The following PPP2R3A variants were observed in gnomAD, a reference collection of about 807,000 sequenced individuals.
PPP2R3A encodes the protein serine/threonine-protein phosphatase 2A regulatory subunit B'' subunit alpha.
PPP2R3A carries 80 observed loss-of-function variants against 106.9 expected under a neutral mutation model. The observed-to-expected ratio is 0.75, with a 90% CI of 0.62 to 0.90. The LOEUF is 0.90. Ranked by LOEUF, PPP2R3A falls within the 40% of genes least tolerant of loss-of-function variation. The probability of loss-of-function intolerance (pLI) is 0.00; values close to 1 mark genes in which losing one functional copy is unlikely to be tolerated. For synonymous variants in PPP2R3A, 483 were observed against 468.3 expected (o/e 1.03, Z -0.41); for missense variants, 1,386 against 1,350.4 (o/e 1.03, Z -0.41).
intron 5 of PPP2R3A, among the ~76,000 whole-genome samples, chr3:136,060,776 GA>G (rs2107887056): frequency 6.6e-6 from 1 of 152,160 alleles, no homozygotes; most frequent in South Asian, 2.1e-4. Context: ...TCAATCAAAG[GA>G]TACAAAATTT....
At chr3:136,011,128 G>A (rs1432449369) in intron 2 of PPP2R3A, among the ~76,000 whole-genome samples, 5 of 151,798 alleles carry the variant, frequency 3.3e-5, no homozygotes, top group Non-Finnish European at 5.9e-5. Flanking sequence ...CACCACATCC[G>A]TCTTTGTAAA....
At chr3:136,138,877 A>G (rs1938738824) in intron 13 of PPP2R3A, among the ~76,000 whole-genome samples, 1 of 151,434 alleles carries the variant, frequency 6.6e-6, no homozygotes, top group Non-Finnish European at 1.5e-5. Context: ...ACGCCCAGCT[A>G]ATTTTGTATT....
At chr3:136,047,139 G>A (rs1029395994) in intron 4 of PPP2R3A, among the ~76,000 whole-genome samples, 5 of 152,158 alleles carry the variant, frequency 3.3e-5, no homozygotes, top group Admixed American at 6.5e-5. Flanking sequence ...GAGAAGGAGC[G>A]AGAGTACGCA....
At chr3:136,041,801 G>A (rs955483192) in intron 4 of PPP2R3A, among the ~76,000 whole-genome samples, 1 of 152,142 alleles carries the variant, frequency 6.6e-6, no homozygotes, top group Non-Finnish European at 1.5e-5. Flanking sequence ...GCTTTTCCTG[G>A]ATTCTAACAT....
At chr3:135,995,868 C>T (rs1576419827) in intron 1 of PPP2R3A, among the ~76,000 whole-genome samples, 1 of 152,144 alleles carries the variant, frequency 6.6e-6, no homozygotes, top group Non-Finnish European at 1.5e-5. Context: ...TTCATCTATT[C>T]GGATTCAGAC....
chr3:136,060,173 C>T (rs1936027313), intron 5 of PPP2R3A, among the ~76,000 whole-genome samples: 1 of 152,088 alleles, frequency 6.6e-6, no homozygotes, highest in Non-Finnish European at 1.5e-5. Flanking sequence ...CAATGAAATA[C>T]CAGTCAGCTT....
At position 136,001,659 on chromosome 3, in the gene PPP2R3A, A is replaced by T; in HGVS notation, c.161A>T (p.Asp54Val). ...CIVVHHSVCA[D>V]LLHIPVSQFK... Reference sequence around the variant, plus strand: ...GTGGTACACCATAGTGTTTGTGCAGACCTCTTGCACATCCCTGTGTCTCAG... The same window carrying T: ...GTGGTACACCATAGTGTTTGTGCAGTCCTCTTGCACATCCCTGTGTCTCAG... The change falls in exon 2 of 14, where the codon GAC becomes GTC. Residue 54 changes from aspartate to valine, a missense_variant. Transcript: ENST00000264977. The T allele has an allele frequency of 6.2e-7, 1 of 1,614,118 alleles. No individual in the cohort carries two copies. Among genetic ancestry groups the T allele is most frequent in the Non-Finnish European group, 8.5e-7 (1 of 1,180,008 alleles).
intron 5 of PPP2R3A, among the ~76,000 whole-genome samples, chr3:136,053,089 T>C (rs531172799): frequency 2.6e-5 from 4 of 152,222 alleles, no homozygotes; most frequent in East Asian, 1.9e-4. Context: ...TGAGAACTTA[T>C]GAAAACAAAC....
At chr3:136,144,089 T>C (rs144272142) in intron 13 of PPP2R3A, among the ~76,000 whole-genome samples, 169 of 152,316 alleles carry the variant, frequency 1.1e-3, no homozygotes, top group African/African-American at 4.0e-3. Flanking sequence ...AGCCACATCA[T>C]TTCCAAGAGA....
intron 5 of PPP2R3A, among the ~76,000 whole-genome samples, chr3:136,062,425 A>G (rs984369331): frequency 1.2e-4 from 18 of 152,134 alleles, no homozygotes; most frequent in Non-Finnish European, 2.5e-4. Flanking sequence ...CAATACAGTT[A>G]CATTTGAGAA....
In PPP2R3A at chr3:136,040,723, A is replaced by G. The variant is rs1053303746; in HGVS notation, c.2263-136A>G. On this transcript the variant is annotated intron_variant, in intron 3 of 13. Transcript: ENST00000264977. ...TCTACCCTAGTTGATATATTTTCCT[A>G]TGCTCCAGTTTTGTTCTCCTGAGGG... The G allele has an allele frequency of 2.2e-5, 12 of 535,212 alleles. 1 individual carries two copies. Among genetic ancestry groups the G allele is most frequent in the East Asian group, 9.9e-5 (3 of 30,196 alleles). 33.2% of individuals were successfully genotyped at this position (535,212 alleles called of 1,614,324 possible).
chr3:135,994,227 A>G (rs1043217185), intron 1 of PPP2R3A, among the ~76,000 whole-genome samples: 1 of 152,178 alleles, frequency 6.6e-6, no homozygotes, highest in Non-Finnish European at 1.5e-5. Context: ...AAGATTCTTT[A>G]ATCCACAGTG....
intron 5 of PPP2R3A, chr3:136,055,255 A>G (rs1391292394): frequency 2.3e-5 from 19 of 831,830 alleles, no homozygotes; most frequent in Non-Finnish European, 3.1e-5. Flanking sequence ...GTAAAAAGAA[A>G]CATGAAGTAC....
At chr3:136,079,815 A>G (rs1188251068) in intron 7 of PPP2R3A, among the ~76,000 whole-genome samples, 1 of 151,900 alleles carries the variant, frequency 6.6e-6, no homozygotes, top group African/African-American at 2.4e-5. Context: ...ATAAGATCAC[A>G]CAAAAGTAAG....
intron 1 of PPP2R3A, among the ~76,000 whole-genome samples, chr3:135,981,783 A>G (rs1937542020): frequency 6.6e-6 from 1 of 151,822 alleles, no homozygotes; most frequent in Non-Finnish European, 1.5e-5. Flanking sequence ...AGAAGGGGCC[A>G]GGGTCGAGGG....
chr3:136,136,074 T>TATATATATATATATATATA lies in PPP2R3A; in HGVS notation c.3330-8969_3330-8968insATATATATATATATATATA, dbSNP rs1491542071. Among the ~76,000 whole-genome samples the TATATATATATATATATATA allele has an allele frequency of 8.6e-4, 26 of 30,352 alleles. 1 individual carries two copies. The highest frequency in any genetic ancestry group is 1.4e-3 in the Non-Finnish European group (17 of 11,992). The allele number at this position is 30,352 out of a possible 152,430, so 19.9% of individuals were successfully genotyped here. On this transcript the variant is annotated intron_variant, in intron 13 of 13. Transcript: ENST00000264977. ...AAAAAAAAAAAAAAAAAAAAAAAAATTATATATATATATATATATAAAAAA... is the reference window on the plus strand; with the variant it reads ...AAAAAAAAAAAAAAAAAAAAAAAAATATATATATATATATATATATATATATATATATATATATAAAAAA...
chr3:135,977,846 TGAGCCAC>T (rs2107754835), intron 1 of PPP2R3A, among the ~76,000 whole-genome samples: 1 of 152,032 alleles, frequency 6.6e-6, no homozygotes, highest in Non-Finnish European at 1.5e-5. Flanking sequence ...ACTATAGGTG[TGAGCCAC>T]CACTGCCCGG....
In PPP2R3A at chr3:136,003,393, C is replaced by G; in HGVS notation, c.1895C>G (p.Ser632Cys). The G allele has an allele frequency of 6.2e-7, 1 of 1,613,982 alleles. No homozygotes were observed. Among genetic ancestry groups the G allele is most frequent in the Admixed American group, 1.7e-5 (1 of 60,000 alleles). The change falls in exon 2 of 14, where the codon TCC becomes TGC. Residue 632 changes from serine (S) to cysteine (C), a missense_variant. Ser to Cys is a moderately radical substitution (Grantham distance 112). Coordinates refer to ENST00000264977, the MANE Select transcript of PPP2R3A (RefSeq NM_002718.5). ...MQILQETLTTSSQANLSVCRS... is the reference protein window; with the variant it reads ...MQILQETLTTCSQANLSVCRS... ...ATTCTACAGGAAACCTTGACAACTT[C>G]CTCCCAGGCCAATTTATCAGTCTGT...
intron 5 of PPP2R3A, among the ~76,000 whole-genome samples, chr3:136,052,290 G>A (rs182038830): frequency 2.0e-5 from 3 of 152,136 alleles, no homozygotes; most frequent in Non-Finnish European, 4.4e-5. Context: ...GGGAAGCATT[G>A]CCAGTAAATG....
Sources: allele counts gnomAD v4.1 joint callset (sites outside exome capture counted in the v4.1 genomes callset), GRCh38; gene constraint gnomAD v4.1.1; transcripts MANE v1.5; gene names NCBI Gene and HGNC (gene_info 2026-07-23, HGNC 2026-07-21).